The following SLCO6A1 variants were observed in gnomAD, a reference collection of about 807,000 sequenced individuals.
SLCO6A1 encodes cancer/testis antigen 48.
Under a neutral mutation model 72.7 loss-of-function variants are expected in SLCO6A1, and 65 were observed. The ratio of observed to expected loss-of-function variants is 0.89; its 90% CI spans 0.73 to 1.10. The LOEUF (loss-of-function observed/expected upper bound fraction) is 1.10. Among genes scored for constraint, SLCO6A1 ranks in the 50% least tolerant of loss-of-function variants. The pLI is 0.00. For missense variants in SLCO6A1, 874 were observed against 872.6 expected, an observed-to-expected ratio of 1.00 and a Z score of -0.02; for synonymous variants, 314 against 298.2, an observed-to-expected ratio of 1.05 and a Z score of -0.55.
chr5:102,424,856 T>A (rs1234068175), intron 7 of SLCO6A1, among the ~76,000 whole-genome samples: 2 of 152,164 alleles, frequency 1.3e-5, no homozygotes, highest in Non-Finnish European at 2.9e-5. Flanking sequence ...TGAACAGTGT[T>A]GGGAAAATCC....
intron 12 of SLCO6A1, 84 bp downstream of exon 12, chr5:102,388,604 A>G: frequency 9.4e-7 from 1 of 1,059,106 alleles, no homozygotes; most frequent in Non-Finnish European, 1.3e-6. Context: ...CATGGTTTAA[A>G]ATTATAATTC....
At position 102,441,643 on chromosome 5, in the gene SLCO6A1, A is replaced by G. The variant is rs938708155; in HGVS notation, c.1132-2882T>C. ...TGGATTCATAGATTATTTAAGAAAA[A>G]ACTAACATACATGAATATTGTCATT... On this transcript the variant is annotated intron_variant, in intron 6 of 13. Transcript: ENST00000506729. Among the ~76,000 whole-genome samples, 106 of 152,084 alleles carry G rather than the reference A, an allele frequency of 7.0e-4. 2 individuals carry two copies. Among genetic ancestry groups the G allele is most frequent in the Non-Finnish European group, 1.6e-4 (11 of 67,944 alleles).
At chr5:102,488,880 A>C (rs1237468789) in intron 1 of SLCO6A1, among the ~76,000 whole-genome samples, 2 of 152,226 alleles carry the variant, frequency 1.3e-5, no homozygotes, top group Non-Finnish European at 2.9e-5. Flanking sequence ...CCCACTCTAA[A>C]AATGCTAGAA....
chr5:102,411,429 T>C (rs963095811), intron 9 of SLCO6A1, among the ~76,000 whole-genome samples: 1 of 152,066 alleles, frequency 6.6e-6, no homozygotes, highest in African/African-American at 2.4e-5. Context: ...CATGCACAGT[T>C]AATTTTTGTA....
Position 102,419,948 on chromosome 5 carries a change from A to G in SLCO6A1, c.1350T>C (p.Ser450=), listed in dbSNP as rs759713213. 6.2e-7 allele frequency: 1 copy of G among 1,608,534 alleles called. No homozygotes were observed. The highest frequency in any genetic ancestry group is 8.5e-7 in the Non-Finnish European group (1 of 1,178,384). ...GGVIVSTLEM[S]CKALMRFIMV... ...TTATAAATCTCATAAGGGCTTTACA[A>G]GACATTTCTAATGTGGAAACAATGA... Residue 450 remains serine (S), a synonymous_variant, in exon 8 of 14, where the codon TCT becomes TCC. Coordinates refer to ENST00000506729, the MANE Select transcript of SLCO6A1 (RefSeq NM_173488.5).
chr5:102,379,863 A>C (rs1451857422), intron 12 of SLCO6A1, among the ~76,000 whole-genome samples: 1 of 149,490 alleles, frequency 6.7e-6, no homozygotes, highest in Non-Finnish European at 1.5e-5. Context: ...TAATGTTCTT[A>C]TCTGTGAACT....
intron 6 of SLCO6A1, among the ~76,000 whole-genome samples, chr5:102,452,481 A>G (rs1045482914): frequency 6.6e-6 from 1 of 152,050 alleles, no homozygotes; most frequent in Non-Finnish European, 1.5e-5. Context: ...CTACTTTTAC[A>G]TTTATAACTT....
chr5:102,380,961 AC>A (rs1746071461), intron 12 of SLCO6A1, among the ~76,000 whole-genome samples: 1 of 151,918 alleles, frequency 6.6e-6, no homozygotes, highest in Non-Finnish European at 1.5e-5. Context: ...GGTTTAATTG[AC>A]AAATAAATAA....
intron 10 of SLCO6A1, among the ~76,000 whole-genome samples, chr5:102,395,381 T>C (rs1192379709): frequency 1.3e-5 from 2 of 152,184 alleles, no homozygotes; most frequent in African/African-American, 2.4e-5. Flanking sequence ...CATCCTTTTT[T>C]ATGGCTGCAT....
intron 1 of SLCO6A1, among the ~76,000 whole-genome samples, chr5:102,497,137 G>A (rs1471417753): frequency 6.6e-6 from 1 of 152,162 alleles, no homozygotes; most frequent in Non-Finnish European, 1.5e-5. Flanking sequence ...AAAGAGGCTA[G>A]TAAAGAATCT....
Position 102,498,771 on chromosome 5 carries a change from G to A in SLCO6A1, c.74C>T (p.Ala25Val). The change falls in exon 1 of 14, where the codon GCG (alanine) becomes GTG (valine). Residue 25 changes from alanine to valine, a missense_variant. Physicochemically the swap from Ala to Val is moderately conservative, Grantham distance 64 (BLOSUM62 0). Coordinates refer to ENST00000506729, the MANE Select transcript of SLCO6A1 (RefSeq NM_173488.5). ...CCTGTCCTTAGCAGGCTGGGCCCGC[G>A]CGGCCTCCAGCGGCTCTACTCCCCT... ...VSRGVEPLEA[A>V]RAQPAKDRRA... 6.2e-7 allele frequency: 1 copy of A among 1,614,044 alleles called. No individual in the cohort carries two copies. Among genetic ancestry groups the A allele is most frequent in the Non-Finnish European group, 8.5e-7 (1 of 1,180,026 alleles).
chr5:102,462,434 G>C (rs1188762788), intron 4 of SLCO6A1, among the ~76,000 whole-genome samples: 1 of 152,042 alleles, frequency 6.6e-6, no homozygotes, highest in Non-Finnish European at 1.5e-5. Flanking sequence ...GCCAAAGCAA[G>C]ACTAAGTAAA....
chr5:102,477,859 T>TA lies in SLCO6A1; in HGVS notation c.618dup (p.Ile207TyrfsTer49), dbSNP rs1431448133. On this transcript the variant is annotated frameshift_variant and splice_region_variant, in exon 3 of 14. Transcript: ENST00000506729. LOFTEE classifies it high-confidence loss of function. ...CTGACAACCTTTATTTCTTCGCAAA[T>TA]ATCTTTTGAAAATACAATGATTATA... 1.3e-6 allele frequency: 2 copies of TA among 1,593,994 alleles called. No homozygotes were observed.
In SLCO6A1 at chr5:102,460,994, G is replaced by A. The variant is rs574638238; in HGVS notation, c.900-1217C>T. Among the ~76,000 whole-genome samples, 10 of 88,748 alleles carry A rather than the reference G, an allele frequency of 1.1e-4. No homozygotes were observed. In the East Asian group the frequency reaches 2.4e-3, roughly 22 times the overall value. The allele number at this position is 88,748 out of a possible 152,430, so 58.2% of individuals were successfully genotyped here. On this transcript the variant is annotated intron_variant, in intron 4 of 13. Coordinates refer to ENST00000506729, the MANE Select transcript of SLCO6A1 (RefSeq NM_173488.5). ...ACTCAGGGAGTTTCAATTCCAGATT[G>A]TCACTAGGGCTGCATGTTTCCTCAT...
intron 8 of SLCO6A1, among the ~76,000 whole-genome samples, chr5:102,414,928 TAAA>T (rs1449376931): frequency 0.16 from 22,918 of 141,108 alleles, 1,743 homozygotes; most frequent in Middle Eastern, 0.19. Flanking sequence ...AATAAATAAA[TAAA>T]TAAATAAATT....
At chr5:102,436,095 T>C (rs893993652) in intron 7 of SLCO6A1, among the ~76,000 whole-genome samples, 3 of 152,212 alleles carry the variant, frequency 2.0e-5, no homozygotes, top group Non-Finnish European at 4.4e-5. Context: ...CTAATTCTCA[T>C]TCATGCTTAA....
At position 102,459,731 on chromosome 5, in the gene SLCO6A1, T is replaced by A. The variant is rs1414521156; in HGVS notation, c.946A>T (p.Ile316Phe). 1.2e-6 allele frequency: 2 copies of A among 1,609,914 alleles called. No individual in the cohort carries two copies. The highest frequency in any genetic ancestry group is 1.7e-6 in the Non-Finnish European group (2 of 1,178,336). ...ACGACAGCGGCAAAAAGAAAATTAA[T>A]CCACCAAGTCCATAGCCATTCTGGA... ...GSPEWLWTWW[I>F]NFLFAAVVAW... Residue 316 changes from isoleucine to phenylalanine, a missense_variant, in exon 5 of 14, where the codon ATT becomes TTT. By Grantham distance (21) the Ile-to-Phe change is conservative. Coordinates refer to ENST00000506729, the MANE Select transcript of SLCO6A1 (RefSeq NM_173488.5).
intron 12 of SLCO6A1, among the ~76,000 whole-genome samples, chr5:102,387,698 G>T (rs1015623170): frequency 1.3e-5 from 2 of 151,964 alleles, no homozygotes; most frequent in South Asian, 2.1e-4. Flanking sequence ...TATCATTATG[G>T]TTTTTTTGAA....
intron 8 of SLCO6A1, among the ~76,000 whole-genome samples, chr5:102,415,009 C>T (rs1313605553): frequency 6.6e-6 from 1 of 151,764 alleles, no homozygotes; most frequent in African/African-American, 2.4e-5. Flanking sequence ...ATTAAACTAA[C>T]AAGGTGAAAG....
Sources: allele counts gnomAD v4.1 joint callset (sites outside exome capture counted in the v4.1 genomes callset), GRCh38; gene constraint gnomAD v4.1.1; transcripts MANE v1.5; gene names NCBI Gene and HGNC (gene_info 2026-07-23, HGNC 2026-07-21).